IFT140: variants seen among roughly 807,000 people sequenced by gnomAD.
IFT140 encodes the protein intraflagellar transport 140.
In IFT140, 133 loss-of-function variants were observed where a neutral mutation model predicts 164.6. The ratio of observed to expected loss-of-function variants is 0.81; its 90% CI spans 0.70 to 0.93. The LOEUF is 0.93. Ranked by LOEUF, IFT140 falls within the 40% of genes least tolerant of loss-of-function variation. The pLI is 0.00. For synonymous variants in IFT140, 860 were observed against 817.3 expected (o/e 1.05, Z -0.89); for missense variants, 2,045 against 1,972.3 (o/e 1.04, Z -0.70).
intron 19 of IFT140, among the ~76,000 whole-genome samples, chr16:1,529,753 T>C (rs1324006692): frequency 6.6e-6 from 1 of 152,230 alleles, no homozygotes; most frequent in Non-Finnish European, 1.5e-5. Flanking sequence ...GAAGGACCCA[T>C]GCGTGTAAAA....
Position 1,589,496 on chromosome 16 carries a change from T to C in IFT140, c.810+109A>G, listed in dbSNP as rs995643184. 14 of 1,117,064 alleles carry C rather than the reference T, an allele frequency of 1.3e-5. No individual in the cohort carries two copies. In the African/African-American group the frequency reaches 2.0e-4, roughly 16 times the overall value. The allele number at this position is 1,117,064 out of a possible 1,614,324, so 69.2% of individuals were successfully genotyped here. The stretch of plus-strand genomic sequence containing the variant: ...ACGTTAGCCGCCCTAACTCAGTTGA[T>C]AGGCTTTTTTTCAGTCTTGCTATCC... On this transcript the variant is annotated intron_variant, in intron 7 of 30. Coordinates refer to ENST00000426508, the MANE Select transcript of IFT140 (RefSeq NM_014714.4).
At chr16:1,606,142 G>T (rs1044643661) in intron 3 of IFT140, among the ~76,000 whole-genome samples, 1 of 152,158 alleles carries the variant, frequency 6.6e-6, no homozygotes, top group Admixed American at 6.5e-5. Context: ...TGGAGTTCTC[G>T]CCTCCAGAGC....
At chr16:1,544,700 G>C (rs982880203) in intron 19 of IFT140, among the ~76,000 whole-genome samples, 1 of 151,796 alleles carries the variant, frequency 6.6e-6, no homozygotes. Context: ...CCAGGCTGGA[G>C]TGCAGTGGCG....
intron 7 of IFT140, 103 bp downstream of exon 7, chr16:1,589,499 GCTT>G: frequency 8.6e-7 from 1 of 1,165,736 alleles, no homozygotes; most frequent in East Asian, 2.4e-5. Flanking sequence ...CAGTTGATAG[GCTT>G]TTTTTCAGTC....
At chr16:1,527,381 C>T (rs778235821) in intron 19 of IFT140, among the ~76,000 whole-genome samples, 1 of 152,136 alleles carries the variant, frequency 6.6e-6, no homozygotes, top group Admixed American at 6.5e-5. Context: ...GGAGGTCTGC[C>T]GAGCAGAGGG....
intron 7 of IFT140, 56 bp downstream of exon 7, chr16:1,589,549 A>T: frequency 6.4e-7 from 1 of 1,572,432 alleles, no homozygotes; most frequent in South Asian, 1.1e-5. Context: ...CAACGAGGCC[A>T]GAGAGAACCT....
chr16:1,560,287 C>T (rs776266849), intron 18 of IFT140, among the ~76,000 whole-genome samples: 12 of 152,192 alleles, frequency 7.9e-5, no homozygotes, highest in African/African-American at 1.9e-4. Flanking sequence ...AACAGTGTGA[C>T]GCATAAACCA....
At chr16:1,528,363 A>C (rs1017019714) in intron 19 of IFT140, among the ~76,000 whole-genome samples, 27 of 150,204 alleles carry the variant, frequency 1.8e-4, no homozygotes, top group Non-Finnish European at 4.4e-5. Context: ...GCACGTGTGC[A>C]CACACACGCA....
intron 21 of IFT140, 65 bp from the exon 22 acceptor site, chr16:1,525,391 C>T: frequency 7.8e-7 from 1 of 1,290,124 alleles, no homozygotes; most frequent in Non-Finnish European, 1.1e-6. Flanking sequence ...ACCGGGTGGG[C>T]TGAGGGGCAG....
intron 13 of IFT140, chr16:1,578,001 C>T (rs921407608): frequency 2.0e-5 from 3 of 152,216 alleles, no homozygotes; most frequent in East Asian, 1.9e-4. Context: ...CTTGGGATGC[C>T]CAGAAGGCTC....
chr16:1,605,269 C>G (rs138590632), intron 3 of IFT140, among the ~76,000 whole-genome samples: 94 of 152,222 alleles, frequency 6.2e-4, no homozygotes, highest in Non-Finnish European at 1.1e-3. Flanking sequence ...GAGTGTGGTA[C>G]AGACAAGGAC....
chr16:1,566,016 T>C (rs910841787), intron 16 of IFT140, 145 bp downstream of exon 16: 1 of 683,404 alleles, frequency 1.5e-6, no homozygotes, highest in Non-Finnish European at 2.5e-6. Context: ...TGCCAGAGTG[T>C]GCTTCTGTTT....
intron 19 of IFT140, among the ~76,000 whole-genome samples, chr16:1,544,207 G>A (rs1306566484): frequency 6.8e-5 from 10 of 147,260 alleles, no homozygotes; most frequent in East Asian, 2.0e-4. Flanking sequence ...TTTTTGAGAC[G>A]AAGTCTCACT....
chr16:1,521,235 T>A (rs1186935531), intron 26 of IFT140, among the ~76,000 whole-genome samples: 1 of 151,898 alleles, frequency 6.6e-6, no homozygotes, highest in Non-Finnish European at 1.5e-5. Flanking sequence ...TACCTCAGTT[T>A]TTGTATTTTC....
chr16:1,571,361 A>G (rs772449220), intron 14 of IFT140, 46 bp downstream of exon 14: 1 of 1,594,480 alleles, frequency 6.3e-7, no homozygotes, highest in Admixed American at 1.7e-5. Flanking sequence ...CTGTCTCCTG[A>G]CTGACTAAAA....
At chr16:1,536,708 G>A (rs1339846548) in intron 19 of IFT140, among the ~76,000 whole-genome samples, 1 of 152,168 alleles carries the variant, frequency 6.6e-6, no homozygotes, top group African/African-American at 2.4e-5. Flanking sequence ...GACGCGCCCA[G>A]AGTCTCCCTT....
intron 19 of IFT140, chr16:1,541,938 C>A: frequency 1.9e-6 from 3 of 1,605,468 alleles, no homozygotes; most frequent in South Asian, 1.1e-5. Context: ...CGACATGATG[C>A]GCGCCTGCAA....
intron 19 of IFT140, among the ~76,000 whole-genome samples, chr16:1,552,235 G>A (rs933084687): frequency 2.0e-5 from 3 of 152,184 alleles, no homozygotes; most frequent in African/African-American, 7.2e-5. Flanking sequence ...GCCAGTTACT[G>A]CCGGTATAAC....
At chr16:1,607,022 GCA>G (rs200397285) in intron 3 of IFT140, 96 bp downstream of exon 3, 137 of 1,178,734 alleles carry the variant, frequency 1.2e-4, no homozygotes, top group African/African-American at 1.9e-4. Flanking sequence ...ACACCCATAG[GCA>G]CACACACACA....
Sources: allele counts gnomAD v4.1 joint callset (sites outside exome capture counted in the v4.1 genomes callset), GRCh38; gene constraint gnomAD v4.1.1; transcripts MANE v1.5; gene names NCBI Gene and HGNC (gene_info 2026-07-23, HGNC 2026-07-21).